PTPRD: variants seen among roughly 807,000 people sequenced by gnomAD.
PTPRD encodes the protein receptor-type tyrosine-protein phosphatase delta.
Under a neutral mutation model 214.5 loss-of-function variants are expected in PTPRD, and 34 were observed. The ratio of observed to expected loss-of-function variants is 0.16; its 90% confidence interval spans 0.12 to 0.21. The LOEUF (loss-of-function observed/expected upper bound fraction) is 0.21. Ranked by LOEUF, PTPRD falls within the 10% of genes least tolerant of loss-of-function variation. PTPRD has a pLI of 1.00. For synonymous variants in PTPRD, 1,128 were observed against 845.7 expected, an observed-to-expected ratio of 1.33 and a Z score of -5.79; for missense variants, 2,545 against 2,398.7, an observed-to-expected ratio of 1.06 and a Z score of -1.27.
Position 8,866,646 on chromosome 9 carries a change from C to G in PTPRD, c.-103-132700G>C, listed in dbSNP as rs190348597. Among the ~76,000 whole-genome samples the G allele has an allele frequency of 3.8e-3, 584 of 152,306 alleles. 6 individuals are homozygous for G. The highest frequency in any genetic ancestry group is 0.014 in the African/African-American group (565 of 41,576). On this transcript the variant is annotated intron_variant, in intron 11 of 45. Transcript: ENST00000381196. ...CATTTTTCCATTCTAATCTTTACCTCTTTTCTACCAATAGCCTAAATTCCA... is the reference window on the plus strand; with the variant it reads ...CATTTTTCCATTCTAATCTTTACCTGTTTTCTACCAATAGCCTAAATTCCA...
chr9:8,964,254 A>G lies in PTPRD; in HGVS notation c.-104+54443T>C, dbSNP rs183603424. ...TTTGGAACTTGATGTTGGTCTGTTC[A>G]GTGTTTCAAATTCTTCCTAATTCAA... On this transcript the variant is annotated intron_variant, in intron 11 of 45. Transcript: ENST00000381196. Among the ~76,000 whole-genome samples the G allele has an allele frequency of 8.0e-3, 847 of 105,222 alleles. 10 individuals are homozygous for G. The highest frequency in any genetic ancestry group is 0.01 in the Non-Finnish European group (591 of 56,538). The allele number at this position is 105,222 out of a possible 152,430, so 69.0% of individuals were successfully genotyped here. A position where few individuals can be genotyped will look rare whatever the true frequency, so the allele number is the denominator to read the frequency against.
At chr9:10,113,665 T>C (rs748701508) in intron 3 of PTPRD, among the ~76,000 whole-genome samples, 1 of 152,152 alleles carries the variant, frequency 6.6e-6, no homozygotes, top group African/African-American at 2.4e-5. Flanking sequence ...CAGAACATTT[T>C]TATTATCAGT....
chr9:10,546,794 G>A (rs1342510169), intron 2 of PTPRD, among the ~76,000 whole-genome samples: 3 of 152,038 alleles, frequency 2.0e-5, no homozygotes, highest in Non-Finnish European at 4.4e-5. Context: ...AACAATGTTT[G>A]CATTGTACAA....
chr9:9,891,377 T>TC (rs2073270764), intron 5 of PTPRD, among the ~76,000 whole-genome samples: 1 of 144,740 alleles, frequency 6.9e-6, no homozygotes, highest in East Asian at 1.9e-4. Context: ...ACATACACTT[T>TC]TTTTTTTTTT....
chr9:8,441,749 C>T lies in PTPRD; in HGVS notation c.3989-5060G>A, dbSNP rs537022920. On this transcript the variant is annotated intron_variant, in intron 34 of 45. Transcript: ENST00000381196. Reference sequence around the variant, plus strand: ...CCTCCCCTTCTCTCTAACCTGATCCCCCATTATCTCTACCAATTAGAAAAA... The same window carrying T: ...CCTCCCCTTCTCTCTAACCTGATCCTCCATTATCTCTACCAATTAGAAAAA... Among the ~76,000 whole-genome samples, 11 of 152,200 alleles carry T rather than the reference C, an allele frequency of 7.2e-5. No homozygotes were observed. The South Asian group carries it at 2.3e-3, about 32-fold the overall frequency.
chr9:8,319,287 T>C (rs988353301), intron 45 of PTPRD, among the ~76,000 whole-genome samples: 1 of 152,050 alleles, frequency 6.6e-6, no homozygotes, highest in African/African-American at 2.4e-5. Context: ...CATAAACTCT[T>C]ATTATTACGA....
intron 5 of PTPRD, among the ~76,000 whole-genome samples, chr9:9,884,927 T>C (rs761421084): frequency 6.6e-6 from 1 of 152,084 alleles, no homozygotes; most frequent in Non-Finnish European, 1.5e-5. Flanking sequence ...CCTTTATAAG[T>C]TACCCAGTCT....
chr9:8,894,476 A>G (rs2098587209), intron 11 of PTPRD, among the ~76,000 whole-genome samples: 1 of 152,080 alleles, frequency 6.6e-6, no homozygotes, highest in Non-Finnish European at 1.5e-5. Flanking sequence ...TTTATATAAA[A>G]ACAAAAGTCC....
chr9:10,357,716 A>G (rs1207235755), intron 2 of PTPRD, among the ~76,000 whole-genome samples: 1 of 152,250 alleles, frequency 6.6e-6, no homozygotes, highest in African/African-American at 2.4e-5. Context: ...CCATAGGCAG[A>G]GCAGCTGGAG....
chr9:9,641,751 C>T (rs2095963789), intron 7 of PTPRD, among the ~76,000 whole-genome samples: 2 of 152,050 alleles, frequency 1.3e-5, no homozygotes, highest in Admixed American at 6.6e-5. Context: ...TGAAGAAACT[C>T]CCCAGGCCTC....
At chr9:10,610,548 G>A (rs888926392) in intron 2 of PTPRD, among the ~76,000 whole-genome samples, 1 of 151,578 alleles carries the variant, frequency 6.6e-6, no homozygotes, top group African/African-American at 2.4e-5. Flanking sequence ...TCTCGGACAT[G>A]TGAGGTCAGA....
At chr9:10,477,922 C>G (rs1988304) in intron 2 of PTPRD, among the ~76,000 whole-genome samples, 2 of 151,370 alleles carry the variant, frequency 1.3e-5, no homozygotes, top group East Asian at 2.0e-4. Context: ...TAAGTGGGAG[C>G]TGAACAATGA....
intron 8 of PTPRD, among the ~76,000 whole-genome samples, chr9:9,558,327 C>A (rs1342924619): frequency 6.6e-6 from 1 of 152,176 alleles, no homozygotes; most frequent in Non-Finnish European, 1.5e-5. Context: ...CATCTGTGCT[C>A]TAAACTCACT....
chr9:9,833,807 G>A (rs112758131), intron 5 of PTPRD, among the ~76,000 whole-genome samples: 15 of 152,036 alleles, frequency 9.9e-5, no homozygotes, highest in African/African-American at 3.6e-4. Flanking sequence ...ATATGGCTCT[G>A]TTCTGCCCGG....
At chr9:8,528,909 A>T (rs1374553825) in intron 14 of PTPRD, 130 bp from the exon 15 acceptor site, 8 of 802,408 alleles carry the variant, frequency 1.0e-5, no homozygotes, top group South Asian at 3.5e-5. Flanking sequence ...AGGCACTAAT[A>T]AATTAGAACA....
At chr9:8,421,370 TTCTC>T (rs1554921173) in intron 35 of PTPRD, among the ~76,000 whole-genome samples, 36 of 146,756 alleles carry the variant, frequency 2.5e-4, no homozygotes, top group African/African-American at 4.2e-4. Context: ...TTCTCTTCTC[TTCTC>T]TCTCTCTCTC....
In PTPRD at chr9:8,930,597, G is replaced by A. The variant is rs200870980; in HGVS notation, c.-104+88100C>T. ...CCACCAACAGTGTAAAAGTGTTCCT[G>A]TTTTCCCACATCCTCTCCAGCACCT... On this transcript the variant is annotated intron_variant, in intron 11 of 45. Transcript: ENST00000381196. 1.3e-3 allele frequency among the ~76,000 whole-genome samples: 198 copies of A among 151,980 alleles called. 1 individual carries two copies. The highest frequency in any genetic ancestry group is 4.6e-3 in the African/African-American group (191 of 41,308).
chr9:8,902,724 CT>C (rs1222393180), intron 11 of PTPRD, among the ~76,000 whole-genome samples: 1 of 152,012 alleles, frequency 6.6e-6, no homozygotes, highest in African/African-American at 2.4e-5. Context: ...AGATCATAAG[CT>C]TGTAGGAAAA....
At chr9:10,371,298 G>GT (rs1033880603) in intron 2 of PTPRD, among the ~76,000 whole-genome samples, 4 of 151,976 alleles carry the variant, frequency 2.6e-5, no homozygotes, top group African/African-American at 9.7e-5. Flanking sequence ...GACATAACCA[G>GT]TTGCTACCGA....
Sources: allele counts gnomAD v4.1 joint callset (sites outside exome capture counted in the v4.1 genomes callset), GRCh38; gene constraint gnomAD v4.1.1; transcripts MANE v1.5; gene names NCBI Gene and HGNC (gene_info 2026-07-23, HGNC 2026-07-21).